ZNF706: variants seen among roughly 807,000 people sequenced by gnomAD.
The protein encoded by ZNF706 is zinc finger protein 706, also known as transcriptional regulator ZNF706.
In ZNF706, 4 loss-of-function variants were observed where a neutral mutation model predicts 9.2. That is an observed-to-expected ratio of 0.43 (90% CI 0.21 to 0.99). ZNF706 has a LOEUF of 0.99. ZNF706 is among the 50% of genes least tolerant of loss of function. ZNF706 has a pLI of 0.26. For missense variants in ZNF706, 27 were observed against 87.8 expected (o/e 0.31, Z 2.77); for synonymous variants, 28 against 27.3 (o/e 1.03, Z -0.08).
intron 2 of ZNF706, chr8:101,200,954 G>T: frequency 4.0e-6 from 1 of 249,486 alleles, no homozygotes. Flanking sequence ...CTACTAACCA[G>T]CTGGGAGACC....
chr8:101,202,392 G>C (rs1220567267), intron 1 of ZNF706: 1 of 152,098 alleles, frequency 6.6e-6, no homozygotes, highest in African/African-American at 2.4e-5. Flanking sequence ...GGGAGGCAGA[G>C]GTTGCAGTGA....
At position 101,197,743 on chromosome 8, in the gene ZNF706, A is replaced by T. The variant is rs943325230; in HGVS notation, c.*1509T>A. The stretch of plus-strand genomic sequence containing the variant: ...ACATCTGAAACTTAGGAAATAAAAT[A>T]CACAAAATAAAAGGACTATTTTAAA... On this transcript the variant is annotated 3_prime_UTR_variant, in exon 4 of 4. Coordinates refer to ENST00000311212, the MANE Select transcript of ZNF706 (RefSeq NM_016096.5). The T allele has an allele frequency of 6.6e-6, 1 of 152,238 alleles. No homozygotes were observed. The highest frequency in any genetic ancestry group is 2.4e-5 in the African/African-American group (1 of 41,462). The allele number at this position is 152,238 out of a possible 1,614,324, so 9.4% of individuals were successfully genotyped here. A position where few individuals can be genotyped will look rare whatever the true frequency, so the allele number is the denominator to read the frequency against.
In ZNF706 at chr8:101,197,124, G is replaced by T. The variant is rs1810389955; in HGVS notation, c.*2128C>A. 1 of 152,056 alleles carries T rather than the reference G, an allele frequency of 6.6e-6. No individual in the cohort carries two copies. The highest frequency in any genetic ancestry group is 1.5e-5 in the Non-Finnish European group (1 of 67,998). 9.4% of individuals were successfully genotyped at this position (152,056 alleles called of 1,614,324 possible). A position where few individuals can be genotyped will look rare whatever the true frequency, so the allele number is the denominator to read the frequency against. ...CCCCCAGTGTGTCAGTTAAACATGG[G>T]GATGAATATCCATGTGAAGAGAATG... On this transcript the variant is annotated 3_prime_UTR_variant, in exon 4 of 4. Coordinates refer to ENST00000311212, the MANE Select transcript of ZNF706 (RefSeq NM_016096.5).
chr8:101,202,957 GTTA>G (rs928578887), intron 1 of ZNF706: 2 of 152,146 alleles, frequency 1.3e-5, no homozygotes, highest in African/African-American at 4.8e-5. Flanking sequence ...TAAAACTACT[GTTA>G]TTAATTTTTT....
chr8:101,198,468 T>A lies in ZNF706; in HGVS notation c.*784A>T, dbSNP rs1810441450. 1 of 152,206 alleles carries A rather than the reference T, an allele frequency of 6.6e-6. No individual in the cohort carries two copies. The highest frequency in any genetic ancestry group is 1.5e-5 in the Non-Finnish European group (1 of 68,018). 9.4% of individuals were successfully genotyped at this position (152,206 alleles called of 1,614,324 possible). On this transcript the variant is annotated 3_prime_UTR_variant, in exon 4 of 4. Transcript: ENST00000311212. ...CAAGATCGACCTTTACCAGTTCACATTTGTTCCATATTTTGCATTAAACAA... is the reference window on the plus strand; with the variant it reads ...CAAGATCGACCTTTACCAGTTCACAATTGTTCCATATTTTGCATTAAACAA...
In ZNF706 at chr8:101,198,322, T is replaced by C. The variant is rs1417339709; in HGVS notation, c.*930A>G. ...TTAATCCAGCCACAAGTCATTCCAATCTTCCTGTTAATGCAAAATCCATTT... is the reference window on the plus strand; with the variant it reads ...TTAATCCAGCCACAAGTCATTCCAACCTTCCTGTTAATGCAAAATCCATTT... On this transcript the variant is annotated 3_prime_UTR_variant, in exon 4 of 4. Coordinates refer to ENST00000311212, the MANE Select transcript of ZNF706 (RefSeq NM_016096.5). 1 of 152,198 alleles carries C rather than the reference T, an allele frequency of 6.6e-6. No homozygotes were observed. Among genetic ancestry groups the C allele is most frequent in the Non-Finnish European group, 1.5e-5 (1 of 68,024 alleles). The allele number at this position is 152,198 out of a possible 1,614,324, so 9.4% of individuals were successfully genotyped here. A position where few individuals can be genotyped will look rare whatever the true frequency, so the allele number is the denominator to read the frequency against.
intron 3 of ZNF706, 98 bp from the exon 4 acceptor site, chr8:101,199,337 T>C: frequency 1.5e-6 from 1 of 676,642 alleles, no homozygotes. Context: ...ATGAAGATAA[T>C]ATCTGGTAAA....
At chr8:101,200,725 C>G (rs1357133585) in intron 2 of ZNF706, 1 of 152,916 alleles carries the variant, frequency 6.5e-6, no homozygotes, top group Non-Finnish European at 1.5e-5. Flanking sequence ...CAATCACAAG[C>G]TGCTCAATTT....
At position 101,197,810 on chromosome 8, in the gene ZNF706, C is replaced by T. The variant is rs894799219; in HGVS notation, c.*1442G>A. 6.6e-6 allele frequency: 1 copy of T among 152,150 alleles called. No individual in the cohort carries two copies. The highest frequency in any genetic ancestry group is 1.9e-4 in the East Asian group (1 of 5,206). The allele number at this position is 152,150 out of a possible 1,614,324, so 9.4% of individuals were successfully genotyped here. On this transcript the variant is annotated 3_prime_UTR_variant, in exon 4 of 4. Coordinates refer to ENST00000311212, the MANE Select transcript of ZNF706 (RefSeq NM_016096.5). ...AGGAATTGCTAAGAAACTATCAGCC[C>T]TGAAGCTTTTCCTTGGAAACGTCTT...
Position 101,205,654 on chromosome 8 carries a change from G to C in ZNF706, c.-222C>G, listed in dbSNP as rs1282298493. 6.4e-6 allele frequency: 1 copy of C among 155,494 alleles called. No individual in the cohort carries two copies. The highest frequency in any genetic ancestry group is 1.4e-5 in the Non-Finnish European group (1 of 70,092). 9.6% of individuals were successfully genotyped at this position (155,494 alleles called of 1,614,324 possible). A position where few individuals can be genotyped will look rare whatever the true frequency, so the allele number is the denominator to read the frequency against. ...GCCTTAGGGGAGACCACTACGCCTC[G>C]TGCCCGCGCACGCCGCGCCGCTCTC... On this transcript the variant is annotated 5_prime_UTR_variant, in exon 1 of 4. Transcript: ENST00000311212. This position sits in a 1 kb window ranked among gnomAD's most constrained non-coding sequence, Gnocchi z 6.6.
At position 101,197,545 on chromosome 8, in the gene ZNF706, A is replaced by AC. The variant is rs948872768; in HGVS notation, c.*1706_*1707insG. 6.6e-6 allele frequency: 1 copy of AC among 152,102 alleles called. No homozygotes were observed. The highest frequency in any genetic ancestry group is 2.4e-5 in the African/African-American group (1 of 41,418). 9.4% of individuals were successfully genotyped at this position (152,102 alleles called of 1,614,324 possible). A position where few individuals can be genotyped will look rare whatever the true frequency, so the allele number is the denominator to read the frequency against. ...TCACTAAAACAAACGAAAAAAAAAA[A>AC]ACCAAAACTTGTGAATGGTTTTATA... On this transcript the variant is annotated 3_prime_UTR_variant, in exon 4 of 4. Transcript: ENST00000311212.
upstream of ZNF706, chr8:101,205,891 C>G (rs1810754066): frequency 6.6e-6 from 1 of 152,346 alleles, no homozygotes; most frequent in Non-Finnish European, 1.5e-5. This position sits in a 1 kb window ranked among gnomAD's most constrained non-coding sequence, Gnocchi z 6.6. Context: ...GGCGCCCCTC[C>G]TCTCCGGCGC....
At chr8:101,199,899 G>T in intron 3 of ZNF706, 91 bp downstream of exon 3, 1 of 867,870 alleles carries the variant, frequency 1.2e-6, no homozygotes, top group Non-Finnish European at 1.8e-6. Flanking sequence ...AATCTCAGAA[G>T]GCAGAAATTA....
intron 1 of ZNF706, chr8:101,204,770 C>G: frequency 5.1e-6 from 5 of 985,376 alleles, no homozygotes; most frequent in Non-Finnish European, 6.0e-6. Context: ...TAAGCTCTGC[C>G]CCAAAGCTCC....
At position 101,201,667 on chromosome 8, in the gene ZNF706, T is replaced by G. The variant is rs777390956; in HGVS notation, c.75A>C (p.Gln25His). 2.9e-5 allele frequency: 47 copies of G among 1,613,508 alleles called. No homozygotes were observed. Among genetic ancestry groups the G allele is most frequent in the Non-Finnish European group, 3.9e-5 (46 of 1,180,022 alleles). ...AKKQAGQKKK[Q>H]GHDQKAAAKA... is the part of the protein sequence containing the mutation. Reference sequence around the variant, plus strand: ...TGGCAGCAGCCTTTTGGTCATGTCCTTGTTTCTTCTTTTGTCCAGCTTGCT... The same window carrying G: ...TGGCAGCAGCCTTTTGGTCATGTCCGTGTTTCTTCTTTTGTCCAGCTTGCT... The change falls in exon 2 of 4, where the codon CAA becomes CAC. Residue 25 changes from glutamine (Q) to histidine (H), a missense_variant. By Grantham distance (24) the Gln-to-His change is conservative (BLOSUM62 0). Transcript: ENST00000311212. The surrounding 1 kb of genome is among the most constrained non-coding windows in gnomAD (Gnocchi z 4.5).
chr8:101,202,840 C>G (rs1286475448), intron 1 of ZNF706: 1 of 152,168 alleles, frequency 6.6e-6, no homozygotes, highest in Non-Finnish European at 1.5e-5. Flanking sequence ...TTCATTGTGA[C>G]TTGCGATTGT....
chr8:101,201,407 TAGAG>T lies in ZNF706; in HGVS notation c.135+196_135+199del, dbSNP rs1586266585. 3.6e-6 allele frequency: 2 copies of T among 551,532 alleles called. No homozygotes were observed. The highest frequency in any genetic ancestry group is 6.0e-5 in the East Asian group (2 of 33,600). The allele number at this position is 551,532 out of a possible 1,614,324, so 34.2% of individuals were successfully genotyped here. A position where few individuals can be genotyped will look rare whatever the true frequency, so the allele number is the denominator to read the frequency against. ...TTGTTCACTCTGTTTTCCCAGCACC[TAGAG>T]ATTTTTGCCTGGCCACAGGAGCCAT... is the stretch of plus-strand genomic sequence containing the variant. On this transcript the variant is annotated intron_variant, in intron 2 of 3. Coordinates refer to ENST00000311212, the MANE Select transcript of ZNF706 (RefSeq NM_016096.5). The surrounding 1 kb of genome is among the most constrained non-coding windows in gnomAD (Gnocchi z 4.5).
At chr8:101,204,884 C>G in intron 1 of ZNF706, 1 of 985,796 alleles carries the variant, frequency 1.0e-6, no homozygotes, top group Non-Finnish European at 1.2e-6. Flanking sequence ...AGGCAGCGCT[C>G]CACATCCTGA....
At chr8:101,200,221 A>C in intron 2 of ZNF706, 124 bp from the exon 3 acceptor site, 2 of 683,410 alleles carry the variant, frequency 2.9e-6, no homozygotes, top group Non-Finnish European at 4.9e-6. Flanking sequence ...AATTCCTACA[A>C]CTTAGTGACT....
Sources: allele counts gnomAD v4.1 joint callset, GRCh38; gene constraint gnomAD v4.1.1; non-coding constraint Gnocchi (gnomAD v3.1); transcripts MANE v1.5; gene names NCBI Gene and HGNC (gene_info 2026-07-23, HGNC 2026-07-21).